CHST9: variants seen among roughly 807,000 people sequenced by gnomAD.
CHST9 encodes the protein carbohydrate sulfotransferase 9.
In CHST9, 41 loss-of-function variants were observed where a neutral mutation model predicts 44.4. The ratio of observed to expected loss-of-function variants is 0.92; its 90% CI spans 0.72 to 1.20. The LOEUF (loss-of-function observed/expected upper bound fraction) is 1.20. CHST9 is among the 50% of genes most tolerant of loss of function. CHST9 has a pLI of 0.00. For missense variants in CHST9, 504 were observed against 516.5 expected (o/e 0.98, Z 0.23); for synonymous variants, 171 against 178.4 (o/e 0.96, Z 0.33).
intron 2 of CHST9, among the ~76,000 whole-genome samples, chr18:27,060,044 A>T (rs2057703130): frequency 6.6e-6 from 1 of 152,234 alleles, no homozygotes; most frequent in South Asian, 2.1e-4. Flanking sequence ...TTAATTGTCT[A>T]GTTCATTTTA....
At chr18:27,145,302 C>G (rs2058602889) in intron 1 of CHST9, among the ~76,000 whole-genome samples, 1 of 152,144 alleles carries the variant, frequency 6.6e-6, no homozygotes, top group South Asian at 2.1e-4. Flanking sequence ...AGCGATTTTC[C>G]TGCCTCAGCC....
intron 1 of CHST9, among the ~76,000 whole-genome samples, chr18:27,169,045 A>T (rs1266505659): frequency 1.3e-5 from 2 of 152,128 alleles, no homozygotes; most frequent in Admixed American, 6.5e-5. Context: ...AAAACACAGA[A>T]TTCTGCCCAC....
chr18:26,916,142 A>G lies in CHST9; in HGVS notation c.*117T>C. On this transcript the variant is annotated 3_prime_UTR_variant, in exon 6 of 6. Coordinates refer to ENST00000618847, the MANE Select transcript of CHST9 (RefSeq NM_031422.6). ...TACTATTTGGTAAAAATCTACATTA[A>G]ATCAAGACAACTGCACTTGGTTAAA... 4.7e-6 allele frequency: 4 copies of G among 850,486 alleles called. No individual in the cohort carries two copies. Among genetic ancestry groups the G allele is most frequent in the Non-Finnish European group, 7.3e-6 (4 of 550,528 alleles). The allele number at this position is 850,486 out of a possible 1,614,324, so 52.7% of individuals were successfully genotyped here.
At chr18:27,009,810 C>G (rs578117618) in intron 4 of CHST9, among the ~76,000 whole-genome samples, 2 of 152,162 alleles carry the variant, frequency 1.3e-5, no homozygotes, top group Non-Finnish European at 2.9e-5. Context: ...TGTGAAGAAG[C>G]CTTCCTCTCA....
chr18:27,060,035 T>G (rs1008287209), intron 2 of CHST9, among the ~76,000 whole-genome samples: 1 of 152,230 alleles, frequency 6.6e-6, no homozygotes, highest in African/African-American at 2.4e-5. Context: ...GGAAAATTGT[T>G]AATTGTCTAG....
Position 26,916,439 on chromosome 18 carries a change from G to A in CHST9, c.1152C>T (p.Ile384=), listed in dbSNP as rs575041319. The change falls in exon 6 of 6, where the codon ATC becomes ATT. Residue 384 remains isoleucine (I), a synonymous_variant. Transcript: ENST00000618847. ...EEDANYFLQM[I]GAPKELKFPN... ...GAAATTTCAGCTCCTTTGGAGCACCGATCATCTGTAAAAAGTAATTGGCAT... is the reference window on the plus strand; with the variant it reads ...GAAATTTCAGCTCCTTTGGAGCACCAATCATCTGTAAAAAGTAATTGGCAT... The A allele has an allele frequency of 3.7e-5, 60 of 1,613,630 alleles. 1 individual carries two copies. In the East Asian group the frequency reaches 1.0e-3, roughly 28 times the overall value.
At chr18:26,992,464 T>A (rs928314057) in intron 4 of CHST9, among the ~76,000 whole-genome samples, 2 of 152,162 alleles carry the variant, frequency 1.3e-5, no homozygotes, top group Non-Finnish European at 2.9e-5. Flanking sequence ...AATAAATAAA[T>A]GAATACAGAC....
At chr18:27,153,575 T>C (rs1209418733) in intron 1 of CHST9, among the ~76,000 whole-genome samples, 1 of 151,378 alleles carries the variant, frequency 6.6e-6, no homozygotes, top group East Asian at 1.9e-4. Context: ...TGTATGTGTG[T>C]GTGTGTGTGT....
At chr18:27,029,354 T>G (rs1007770802) in intron 3 of CHST9, among the ~76,000 whole-genome samples, 2 of 152,146 alleles carry the variant, frequency 1.3e-5, no homozygotes, top group Non-Finnish European at 2.9e-5. Flanking sequence ...TTTCTAACTC[T>G]AAAATTGAGG....
intron 1 of CHST9, among the ~76,000 whole-genome samples, chr18:27,168,757 A>C (rs1482848230): frequency 6.6e-6 from 1 of 152,188 alleles, no homozygotes; most frequent in African/African-American, 2.4e-5. Context: ...TGCAAACAAG[A>C]CCTATAATTC....
At chr18:27,053,255 G>GAAGA (rs2057602800) in intron 2 of CHST9, among the ~76,000 whole-genome samples, 1 of 115,164 alleles carries the variant, frequency 8.7e-6, no homozygotes, top group Non-Finnish European at 1.9e-5. Context: ...AGAAGAAGAA[G>GAAGA]AAGAAGGAGA....
chr18:27,163,386 G>A (rs1180096636), intron 1 of CHST9, among the ~76,000 whole-genome samples: 2 of 152,190 alleles, frequency 1.3e-5, no homozygotes, highest in Non-Finnish European at 2.9e-5. Context: ...GCTGCCTTTT[G>A]TTTGGCTGTG....
chr18:27,128,087 G>C (rs919918195), intron 2 of CHST9, among the ~76,000 whole-genome samples: 6 of 152,054 alleles, frequency 3.9e-5, no homozygotes, highest in Non-Finnish European at 8.8e-5. Flanking sequence ...AATTTATCCT[G>C]GTACCAATCC....
At chr18:27,082,755 G>A (rs2057972664) in intron 2 of CHST9, among the ~76,000 whole-genome samples, 1 of 152,112 alleles carries the variant, frequency 6.6e-6, no homozygotes, top group Non-Finnish European at 1.5e-5. Flanking sequence ...CTGAGAGAGT[G>A]AGGTGACAGT....
intron 5 of CHST9, among the ~76,000 whole-genome samples, chr18:26,923,581 A>C (rs1598558602): frequency 6.6e-6 from 1 of 152,296 alleles, no homozygotes; most frequent in African/African-American, 2.4e-5. Context: ...ACTATTGTGG[A>C]TCCTATGGAA....
intron 4 of CHST9, among the ~76,000 whole-genome samples, chr18:27,000,329 A>G (rs2056934190): frequency 6.6e-6 from 1 of 152,228 alleles, no homozygotes; most frequent in Non-Finnish European, 1.5e-5. Flanking sequence ...GCAAGAAAAA[A>G]CTATAGACAT....
At chr18:27,077,691 A>C (rs2057918908) in intron 2 of CHST9, among the ~76,000 whole-genome samples, 1 of 152,204 alleles carries the variant, frequency 6.6e-6, no homozygotes, top group Non-Finnish European at 1.5e-5. Flanking sequence ...TCTGAAATGT[A>C]ATACTGTGAG....
chr18:27,044,675 T>G (rs1022527870), intron 3 of CHST9, among the ~76,000 whole-genome samples: 2 of 151,406 alleles, frequency 1.3e-5, no homozygotes, highest in African/African-American at 2.4e-5. Flanking sequence ...GATTTTTAAG[T>G]TTTTTTTTGA....
chr18:27,141,493 A>G (rs1326588864), intron 2 of CHST9, among the ~76,000 whole-genome samples: 1 of 148,940 alleles, frequency 6.7e-6, no homozygotes, highest in Non-Finnish European at 1.5e-5. Flanking sequence ...TGGGAGGCTG[A>G]GGCAGAAGAA....
Sources: gnomAD v4.1 joint callset for allele counts (sites outside exome capture counted in the v4.1 genomes callset) on GRCh38, gnomAD v4.1.1 for gene constraint, MANE v1.5 for transcripts, NCBI Gene and HGNC (gene_info 2026-07-23, HGNC 2026-07-21) for gene names.